The following ADAMTS19 variants were observed in gnomAD, a reference collection of about 807,000 sequenced individuals.
The protein encoded by ADAMTS19 is ADAM metallopeptidase with thrombospondin type 1 motif 19, also known as A disintegrin and metalloproteinase with thrombospondin motifs 19.
In ADAMTS19, 93 loss-of-function variants were observed where a neutral mutation model predicts 153.3. The ratio of observed to expected loss-of-function variants is 0.61; its 90% CI spans 0.51 to 0.72. The LOEUF is 0.72. ADAMTS19 is among the 30% of genes least tolerant of loss of function. The probability of loss-of-function intolerance (pLI) is 0.00; values close to 1 mark genes in which losing one functional copy is unlikely to be tolerated. For synonymous variants in ADAMTS19, 600 were observed against 556.6 expected (o/e 1.08, Z -1.10); for missense variants, 1,482 against 1,552.1 (o/e 0.95, Z 0.76).
Position 129,716,303 on chromosome 5 carries a change from A to G in ADAMTS19, c.3312+11912A>G, listed in dbSNP as rs1178659089. The stretch of plus-strand genomic sequence containing the variant: ...TGCCTCTGCCTCCTGGGCTCAAACA[A>G]TCCTTCCTTCTCAGCCTCCTGTGTA... On this transcript the variant is annotated intron_variant, in intron 21 of 22. Transcript: ENST00000274487. Among the ~76,000 whole-genome samples the G allele has an allele frequency of 2.0e-5, 3 of 152,022 alleles. No individual in the cohort carries two copies. In the East Asian group the frequency reaches 5.8e-4, roughly 29 times the overall value.
chr5:129,559,476 G>T (rs75678305), intron 7 of ADAMTS19, among the ~76,000 whole-genome samples: 1 of 152,040 alleles, frequency 6.6e-6, no homozygotes, highest in African/African-American at 2.4e-5. Context: ...TCTACCAGTG[G>T]GATTGATGAA....
intron 7 of ADAMTS19, among the ~76,000 whole-genome samples, chr5:129,584,330 C>T (rs1350116672): frequency 1.3e-5 from 2 of 152,182 alleles, no homozygotes; most frequent in Admixed American, 6.5e-5. Flanking sequence ...AGGTGTCTGT[C>T]AACAACTGCT....
chr5:129,540,271 C>T (rs1752612138), intron 6 of ADAMTS19, among the ~76,000 whole-genome samples: 1 of 152,040 alleles, frequency 6.6e-6, no homozygotes, highest in Admixed American at 6.6e-5. Context: ...ATGCATAATG[C>T]TTCTACAAAT....
chr5:129,472,655 A>G (rs1750105037), intron 2 of ADAMTS19, among the ~76,000 whole-genome samples: 1 of 152,078 alleles, frequency 6.6e-6, no homozygotes, highest in South Asian at 2.1e-4. Flanking sequence ...CTATTCTAGA[A>G]TCTGGAAATA....
intron 6 of ADAMTS19, among the ~76,000 whole-genome samples, chr5:129,540,474 T>C (rs560463988): frequency 6.6e-6 from 1 of 152,120 alleles, no homozygotes; most frequent in African/African-American, 2.4e-5. Flanking sequence ...AGAAGGCATA[T>C]ATCTTTATGC....
chr5:129,556,157 G>A (rs1290822248), intron 7 of ADAMTS19, among the ~76,000 whole-genome samples: 24 of 152,056 alleles, frequency 1.6e-4, no homozygotes, highest in Admixed American at 1.6e-3. Flanking sequence ...TTATGTAGAT[G>A]GTTTGGTAGG....
chr5:129,471,145 C>G (rs1015528981), intron 2 of ADAMTS19, among the ~76,000 whole-genome samples: 1 of 151,880 alleles, frequency 6.6e-6, no homozygotes, highest in Admixed American at 6.6e-5. Flanking sequence ...GAGGAAGTCT[C>G]TATTAAAAAT....
chr5:129,572,934 C>T (rs931401635), intron 7 of ADAMTS19, among the ~76,000 whole-genome samples: 2 of 151,686 alleles, frequency 1.3e-5, no homozygotes, highest in African/African-American at 4.8e-5. Flanking sequence ...AAAGTTAGAA[C>T]AAAACAAAAA....
intron 7 of ADAMTS19, among the ~76,000 whole-genome samples, chr5:129,585,325 C>G (rs980872941): frequency 1.3e-5 from 2 of 151,726 alleles, no homozygotes; most frequent in African/African-American, 4.8e-5. Context: ...AGCTGCAGAC[C>G]GGAGCTGTTC....
chr5:129,735,476 T>C (rs1205803745), intron 22 of ADAMTS19, among the ~76,000 whole-genome samples: 1 of 151,718 alleles, frequency 6.6e-6, no homozygotes, highest in Non-Finnish European at 1.5e-5. Context: ...GATTTCTCCA[T>C]GGTTGATAGC....
At chr5:129,615,283 A>C (rs1751458826) in intron 8 of ADAMTS19, among the ~76,000 whole-genome samples, 1 of 151,944 alleles carries the variant, frequency 6.6e-6, no homozygotes, top group South Asian at 2.1e-4. Flanking sequence ...AACTATACAA[A>C]AGGTTAGGCT....
intron 7 of ADAMTS19, among the ~76,000 whole-genome samples, chr5:129,569,140 A>G (rs1173234260): frequency 6.6e-6 from 1 of 152,098 alleles, no homozygotes; most frequent in African/African-American, 2.4e-5. Context: ...TGGAAAAAGT[A>G]GTAAAAAGTA....
intron 6 of ADAMTS19, among the ~76,000 whole-genome samples, chr5:129,534,372 A>T (rs1752331666): frequency 6.6e-6 from 1 of 152,192 alleles, no homozygotes; most frequent in African/African-American, 2.4e-5. Flanking sequence ...AGACTAAACC[A>T]GGAAGAAGTT....
At chr5:129,694,675 A>C (rs1279109769) in intron 18 of ADAMTS19, 45 bp from the exon 19 acceptor site, 1 of 1,417,714 alleles carries the variant, frequency 7.1e-7, no homozygotes, top group South Asian at 1.8e-5. Context: ...AATCCATTAC[A>C]TAAAGGCTTA....
intron 21 of ADAMTS19, among the ~76,000 whole-genome samples, chr5:129,714,714 T>G (rs1052794204): frequency 6.6e-6 from 1 of 152,150 alleles, no homozygotes. Flanking sequence ...ACCAACTTGA[T>G]AGGTGGAAAA....
chr5:129,535,704 C>T (rs946861208), intron 6 of ADAMTS19, among the ~76,000 whole-genome samples: 6 of 152,106 alleles, frequency 3.9e-5, no homozygotes, highest in South Asian at 2.1e-4. Flanking sequence ...GTACTGGTAC[C>T]GAAACAGAGA....
chr5:129,537,538 A>G (rs1581056029), intron 6 of ADAMTS19, among the ~76,000 whole-genome samples: 1 of 152,270 alleles, frequency 6.6e-6, no homozygotes, highest in African/African-American at 2.4e-5. Context: ...AATGTCCAAC[A>G]ATGATAGACT....
chr5:129,654,732 T>C (rs942927989), intron 14 of ADAMTS19, among the ~76,000 whole-genome samples: 1 of 152,142 alleles, frequency 6.6e-6, no homozygotes, highest in African/African-American at 2.4e-5. Context: ...GGACATTTTA[T>C]GTCAAAATAT....
chr5:129,511,668 C>T (rs1424362120), intron 3 of ADAMTS19, among the ~76,000 whole-genome samples: 1 of 151,078 alleles, frequency 6.6e-6, no homozygotes, highest in African/African-American at 2.4e-5. Context: ...TCTCAAAGAT[C>T]AGGTAAAACT....
Sources: gnomAD v4.1 joint callset for allele counts (sites outside exome capture counted in the v4.1 genomes callset) on GRCh38, gnomAD v4.1.1 for gene constraint, MANE v1.5 for transcripts, NCBI Gene and HGNC (gene_info 2026-07-23, HGNC 2026-07-21) for gene names.